Variants in CPQ observed in about 807,000 individuals in gnomAD.
CPQ encodes the protein carboxypeptidase Q.
CPQ carries 37 observed loss-of-function variants against 45.7 expected under a neutral mutation model. The observed-to-expected ratio is 0.81, with a 90% confidence interval of 0.62 to 1.07. CPQ has a LOEUF of 1.07. Among genes scored for constraint, CPQ ranks in the 50% least tolerant of loss-of-function variants. CPQ has a pLI of 0.00. For missense variants in CPQ, 537 were observed against 572.9 expected (o/e 0.94, Z 0.64); for synonymous variants, 186 against 205.8 (o/e 0.90, Z 0.82).
At chr8:97,134,215 T>C (rs1279912123) in intron 7 of CPQ, among the ~76,000 whole-genome samples, 1 of 152,246 alleles carries the variant, frequency 6.6e-6, no homozygotes, top group East Asian at 1.9e-4. Context: ...ATCCACTAAG[T>C]GCCAGGCATT....
In CPQ at chr8:97,111,092, G is replaced by A. The variant is rs915540587; in HGVS notation, c.1256-31928G>A. ...TGATCTTACCTGTGGAACACCGCAG[G>A]GTATTTTTGTCCATCCTAACTTTCA... On this transcript the variant is annotated intron_variant, in intron 7 of 7. Coordinates refer to ENST00000220763, the MANE Select transcript of CPQ (RefSeq NM_016134.4). Among the ~76,000 whole-genome samples the A allele has an allele frequency of 4.6e-5, 7 of 152,240 alleles. 1 individual carries two copies. The Middle Eastern group carries it at 0.014, about 296-fold the overall frequency.
chr8:96,796,420 TA>T (rs1261853955), intron 2 of CPQ, among the ~76,000 whole-genome samples: 1 of 152,236 alleles, frequency 6.6e-6, no homozygotes, highest in Non-Finnish European at 1.5e-5. Context: ...TTGATTGTCC[TA>T]TTTTATTCAA....
chr8:96,703,442 A>G (rs1018067881), intron 1 of CPQ, among the ~76,000 whole-genome samples: 2 of 152,210 alleles, frequency 1.3e-5, no homozygotes, highest in Admixed American at 6.5e-5. Flanking sequence ...GATTAAATGA[A>G]TGAAAAAAGT....
chr8:96,978,896 C>T (rs1467595311), intron 5 of CPQ, among the ~76,000 whole-genome samples: 1 of 152,108 alleles, frequency 6.6e-6, no homozygotes, highest in Non-Finnish European at 1.5e-5. Flanking sequence ...AAGGAGACGT[C>T]TTATTTCAAT....
At chr8:96,833,732 T>C (rs1811489538) in intron 2 of CPQ, among the ~76,000 whole-genome samples, 1 of 152,200 alleles carries the variant, frequency 6.6e-6, no homozygotes, top group South Asian at 2.1e-4. Context: ...TCAGTGTTGG[T>C]GAAGGCATAC....
At chr8:96,820,445 T>G (rs988500528) in intron 2 of CPQ, among the ~76,000 whole-genome samples, 1 of 151,976 alleles carries the variant, frequency 6.6e-6, no homozygotes, top group African/African-American at 2.4e-5. Context: ...TGCATTTATA[T>G]TCTATTTGTT....
chr8:96,682,197 C>T (rs1421906565), intron 1 of CPQ, among the ~76,000 whole-genome samples: 2 of 152,108 alleles, frequency 1.3e-5, no homozygotes, highest in African/African-American at 2.4e-5. Flanking sequence ...GGCTGTGTTC[C>T]CCACCCAAAT....
chr8:97,070,278 G>A (rs1190469143), intron 7 of CPQ, among the ~76,000 whole-genome samples: 2 of 151,922 alleles, frequency 1.3e-5, no homozygotes, highest in Non-Finnish European at 2.9e-5. Flanking sequence ...AATTTCTAAC[G>A]CGCTTCAAGT....
At chr8:96,826,784 T>G (rs964279899) in intron 2 of CPQ, among the ~76,000 whole-genome samples, 5 of 151,964 alleles carry the variant, frequency 3.3e-5, no homozygotes, top group Admixed American at 6.6e-5. Flanking sequence ...CTCCCCGTAC[T>G]CCACTCCTCA....
At chr8:96,885,291 A>G (rs1433681150) in intron 4 of CPQ, among the ~76,000 whole-genome samples, 2 of 152,170 alleles carry the variant, frequency 1.3e-5, no homozygotes, top group Non-Finnish European at 2.9e-5. Context: ...TCCTTTGATA[A>G]TCATATTAAT....
chr8:96,766,620 G>T (rs913975693), intron 1 of CPQ, among the ~76,000 whole-genome samples: 2 of 152,182 alleles, frequency 1.3e-5, no homozygotes, highest in African/African-American at 4.8e-5. Flanking sequence ...GATGAGAAAA[G>T]AATGAGTTAG....
chr8:97,074,792 G>T (rs1762085686), intron 7 of CPQ, among the ~76,000 whole-genome samples: 1 of 151,862 alleles, frequency 6.6e-6, no homozygotes, highest in African/African-American at 2.4e-5. Flanking sequence ...ATGGACAGAA[G>T]AGGGTAGAGA....
chr8:96,838,691 A>G (rs1811564948), intron 3 of CPQ, among the ~76,000 whole-genome samples: 2 of 151,994 alleles, frequency 1.3e-5, no homozygotes. Context: ...CCTATCATCT[A>G]GTATAATGTT....
chr8:97,130,550 ATAAGGATTG>A (rs1256635898), intron 7 of CPQ, among the ~76,000 whole-genome samples: 10 of 151,620 alleles, frequency 6.6e-5, no homozygotes, highest in African/African-American at 2.4e-4. Context: ...TTTCTTCATC[ATAAGGATTG>A]TCCTAAAAAA....
chr8:97,071,917 T>C (rs923676946), intron 7 of CPQ, among the ~76,000 whole-genome samples: 38 of 152,216 alleles, frequency 2.5e-4, no homozygotes, highest in African/African-American at 8.9e-4. Flanking sequence ...CAGGCCTGTC[T>C]CTTTGTGGTC....
At chr8:97,100,016 A>G (rs1811276371) in intron 7 of CPQ, among the ~76,000 whole-genome samples, 1 of 152,204 alleles carries the variant, frequency 6.6e-6, no homozygotes, top group Non-Finnish European at 1.5e-5. Flanking sequence ...GATAAGCTGT[A>G]CAGCAGTGAA....
At chr8:96,942,702 A>G (rs752273582) in intron 4 of CPQ, among the ~76,000 whole-genome samples, 27 of 152,126 alleles carry the variant, frequency 1.8e-4, no homozygotes, top group Non-Finnish European at 2.8e-4. Context: ...TTTAAACACA[A>G]ACAACAAAAA....
intron 1 of CPQ, among the ~76,000 whole-genome samples, chr8:96,664,195 G>A (rs1477428333): frequency 2.0e-5 from 3 of 152,170 alleles, no homozygotes; most frequent in Non-Finnish European, 4.4e-5. Flanking sequence ...AAGAGAAGGA[G>A]CAAAAGAACA....
intron 2 of CPQ, among the ~76,000 whole-genome samples, chr8:96,817,673 G>A (rs1298990875): frequency 6.6e-6 from 1 of 151,520 alleles, no homozygotes; most frequent in Non-Finnish European, 1.5e-5. Flanking sequence ...CACTGCTTTG[G>A]TGCAATCCTG....
Sources: gnomAD v4.1 joint callset for allele counts (sites outside exome capture counted in the v4.1 genomes callset) on GRCh38, gnomAD v4.1.1 for gene constraint, MANE v1.5 for transcripts, NCBI Gene and HGNC (gene_info 2026-07-23, HGNC 2026-07-21) for gene names.